C1QTNF3: variants seen among roughly 807,000 people sequenced by gnomAD.
C1QTNF3 encodes complement C1q tumor necrosis factor-related protein 3.
A neutral mutation model predicts 32.6 loss-of-function variants in C1QTNF3; 26 were observed. That is an observed-to-expected ratio of 0.80 (90% confidence interval 0.58 to 1.11). The LOEUF is 1.11. C1QTNF3 is among the 50% of genes least tolerant of loss of function. The pLI is 0.00. For missense variants in C1QTNF3, 362 were observed against 398.2 expected (o/e 0.91, Z 0.77); for synonymous variants, 155 against 146.0 (o/e 1.06, Z -0.44).
At chr5:34,087,721 C>T in the C1QTNF3 span, among the ~76,000 whole-genome samples, 6 of 152,028 alleles carry the variant, frequency 3.9e-5, no homozygotes, top group Non-Finnish European at 7.4e-5. Flanking sequence ...AATACAAGTA[C>T]TACATGCACA....
the C1QTNF3 span, among the ~76,000 whole-genome samples, chr5:34,076,635 G>T: frequency 6.7e-3 from 1,017 of 151,616 alleles, 7 homozygotes; most frequent in Admixed American, 0.012. Context: ...AGATTTCAAG[G>T]ACATGTATGT....
the C1QTNF3 span, among the ~76,000 whole-genome samples, chr5:34,102,122 A>G: frequency 1.5e-4 from 23 of 150,170 alleles, no homozygotes; most frequent in Admixed American, 1.1e-3. Context: ...TAAAAATCTA[A>G]TGTAACAATG....
chr5:34,078,623 G>A, the C1QTNF3 span, among the ~76,000 whole-genome samples: 3 of 151,508 alleles, frequency 2.0e-5, no homozygotes, highest in African/African-American at 7.3e-5. The surrounding 1 kb of genome is among the most constrained non-coding windows in gnomAD (Gnocchi z 4.0). Flanking sequence ...TTTTGATTAC[G>A]ATTTGAGATA....
the C1QTNF3 span, among the ~76,000 whole-genome samples, chr5:34,142,229 C>A: frequency 6.6e-6 from 1 of 152,090 alleles, no homozygotes; most frequent in Non-Finnish European, 1.5e-5. Flanking sequence ...GTCAGGAGTT[C>A]GATACCAGTC....
At chr5:34,052,522 C>A in the C1QTNF3 span, among the ~76,000 whole-genome samples, 1 of 152,334 alleles carries the variant, frequency 6.6e-6, no homozygotes, top group South Asian at 2.1e-4. Flanking sequence ...TTGACTTTAG[C>A]TGCAGACACA....
At chr5:34,240,118 C>A in the C1QTNF3 span, among the ~76,000 whole-genome samples, 1 of 150,872 alleles carries the variant, frequency 6.6e-6, no homozygotes, top group Non-Finnish European at 1.5e-5. Flanking sequence ...ACCAAAATCT[C>A]TGGGATGCAG....
chr5:34,027,656 G>A (rs569452987), intron 4 of C1QTNF3, among the ~76,000 whole-genome samples: 2 of 147,194 alleles, frequency 1.4e-5, no homozygotes, highest in East Asian at 4.1e-4. Flanking sequence ...GCAGTGGGCT[G>A]AGATGGTGCC....
chr5:34,204,322 C>A, the C1QTNF3 span, among the ~76,000 whole-genome samples: 2 of 152,234 alleles, frequency 1.3e-5, no homozygotes, highest in Non-Finnish European at 2.9e-5. Context: ...ATATGTTTAT[C>A]ACAGCACTAT....
the C1QTNF3 span, among the ~76,000 whole-genome samples, chr5:34,060,607 T>C: frequency 2.0e-5 from 3 of 152,146 alleles, no homozygotes; most frequent in East Asian, 1.9e-4. Flanking sequence ...GGAGGCCTCA[T>C]AATCATGGTG....
the C1QTNF3 span, among the ~76,000 whole-genome samples, chr5:34,228,959 G>C: frequency 7.0e-6 from 1 of 143,234 alleles, no homozygotes; most frequent in Non-Finnish European, 1.5e-5. Context: ...GCCAATTAGA[G>C]TTTTTTTTTT....
intron 3 of C1QTNF3, among the ~76,000 whole-genome samples, chr5:34,029,306 T>C (rs1754553776): frequency 6.6e-6 from 1 of 152,130 alleles, no homozygotes; most frequent in South Asian, 2.1e-4. Context: ...TTAATTTCTT[T>C]TTTTTTTTTT....
At chr5:34,169,649 G>A in the C1QTNF3 span, among the ~76,000 whole-genome samples, 1 of 151,988 alleles carries the variant, frequency 6.6e-6, no homozygotes, top group African/African-American at 2.4e-5. Flanking sequence ...GTTTGATATA[G>A]TCCAACTTGC....
At chr5:34,166,578 G>C in the C1QTNF3 span, 1 of 152,056 alleles carries the variant, frequency 6.6e-6, no homozygotes, top group Non-Finnish European at 1.5e-5. Flanking sequence ...TCTTATAATA[G>C]CATACTTCAA....
At chr5:34,127,388 A>T in the C1QTNF3 span, among the ~76,000 whole-genome samples, 2 of 152,002 alleles carry the variant, frequency 1.3e-5, no homozygotes, top group Non-Finnish European at 2.9e-5. Context: ...GTAGTCTCAG[A>T]TAGAGATGAG....
chr5:34,113,958 C>T, the C1QTNF3 span, among the ~76,000 whole-genome samples: 4 of 152,170 alleles, frequency 2.6e-5, no homozygotes, highest in Non-Finnish European at 5.9e-5. Flanking sequence ...CCATCATAGA[C>T]ACATTCATAA....
the C1QTNF3 span, among the ~76,000 whole-genome samples, chr5:34,113,583 C>G: frequency 1.6e-4 from 25 of 151,644 alleles, no homozygotes; most frequent in Admixed American, 3.9e-4. Context: ...ATGATATGAC[C>G]TTATTATTAA....
chr5:34,050,162 C>A, the C1QTNF3 span, among the ~76,000 whole-genome samples: 1 of 152,176 alleles, frequency 6.6e-6, no homozygotes, highest in Non-Finnish European at 1.5e-5. Context: ...AATGAAGCTG[C>A]AGAGATCACC....
At chr5:34,108,078 C>T in the C1QTNF3 span, among the ~76,000 whole-genome samples, 1 of 152,136 alleles carries the variant, frequency 6.6e-6, no homozygotes, top group Non-Finnish European at 1.5e-5. Context: ...ATGAGCCCCC[C>T]CTCTCCTGCC....
At chr5:34,059,121 G>T in the C1QTNF3 span, among the ~76,000 whole-genome samples, 1 of 152,218 alleles carries the variant, frequency 6.6e-6, no homozygotes, top group South Asian at 2.1e-4. Context: ...ATGACAGACT[G>T]GGAAGCTTAG....
Sources: allele counts gnomAD v4.1 joint callset (sites outside exome capture counted in the v4.1 genomes callset), GRCh38; gene constraint gnomAD v4.1.1; non-coding constraint Gnocchi (gnomAD v3.1); transcripts MANE v1.5; gene names NCBI Gene and HGNC (gene_info 2026-07-23, HGNC 2026-07-21).